Variants in FBXL20 observed in about 807,000 individuals in gnomAD.
FBXL20 encodes the protein F-box and leucine rich repeat protein 20, also known as F-box/LRR-repeat protein 20.
FBXL20 carries 11 observed loss-of-function variants against 64.0 expected under a neutral mutation model. The observed-to-expected ratio is 0.17, with a 90% CI of 0.11 to 0.28. FBXL20 has a LOEUF of 0.28. Among genes scored for constraint, FBXL20 ranks in the 10% least tolerant of loss-of-function variants. The pLI, the probability that FBXL20 is intolerant of heterozygous loss-of-function variation, is 1.00. For missense variants in FBXL20, 303 were observed against 526.2 expected (o/e 0.58, Z 4.15); for synonymous variants, 184 against 189.0 (o/e 0.97, Z 0.22).
In FBXL20 at chr17:39,265,600, G is replaced by A; in HGVS notation, c.934-147C>T. ...AAGCTCACTGCAGCCTAAAACTTCTGGGCTCAAGCAATCTTCCCACCTCAG... is the reference window on the plus strand; with the variant it reads ...AAGCTCACTGCAGCCTAAAACTTCTAGGCTCAAGCAATCTTCCCACCTCAG... On this transcript the variant is annotated intron_variant, in intron 12 of 14. Transcript: ENST00000264658. 4 of 487,004 alleles carry A rather than the reference G, an allele frequency of 8.2e-6. No homozygotes were observed. The South Asian group carries it at 1.5e-4, about 19-fold the overall frequency. The allele number at this position is 487,004 out of a possible 1,614,324, so 30.2% of individuals were successfully genotyped here. A position where few individuals can be genotyped will look rare whatever the true frequency, so the allele number is the denominator to read the frequency against.
At chr17:39,358,189 G>A (rs1023422462) in intron 1 of FBXL20, among the ~76,000 whole-genome samples, 1 of 152,162 alleles carries the variant, frequency 6.6e-6, no homozygotes, top group Non-Finnish European at 1.5e-5. Context: ...CTCAAGGAGA[G>A]GCAGTATTCT....
At chr17:39,368,820 T>G (rs2047887023) in intron 1 of FBXL20, among the ~76,000 whole-genome samples, 1 of 152,042 alleles carries the variant, frequency 6.6e-6, no homozygotes, top group Admixed American at 6.6e-5. Context: ...CACACCGGGC[T>G]AATTTTTTGT....
chr17:39,368,320 AGCTCAAG>A (rs2047881761), intron 1 of FBXL20, among the ~76,000 whole-genome samples: 1 of 152,096 alleles, frequency 6.6e-6, no homozygotes, highest in African/African-American at 2.4e-5. Context: ...TGAGCCCAGG[AGCTCAAG>A]GCTGCAGTGA....
chr17:39,353,951 T>C (rs1030106336), intron 1 of FBXL20, among the ~76,000 whole-genome samples: 2 of 152,094 alleles, frequency 1.3e-5, no homozygotes, highest in South Asian at 4.1e-4. Context: ...TGTTTCGTTT[T>C]TCAAGATGAA....
intron 6 of FBXL20, among the ~76,000 whole-genome samples, chr17:39,287,351 C>G (rs1323105893): frequency 6.6e-6 from 1 of 152,120 alleles, no homozygotes; most frequent in African/African-American, 2.4e-5. Context: ...AAGAGTCACA[C>G]ATTCTCTTTG....
At chr17:39,273,597 G>A (rs998726155) in intron 10 of FBXL20, among the ~76,000 whole-genome samples, 1 of 151,958 alleles carries the variant, frequency 6.6e-6, no homozygotes, top group African/African-American at 2.4e-5. Flanking sequence ...GGAGGCCGAG[G>A]TGGGCAGATC....
chr17:39,385,290 C>G (rs2048067716), intron 1 of FBXL20, among the ~76,000 whole-genome samples: 3 of 151,570 alleles, frequency 2.0e-5, no homozygotes, highest in Non-Finnish European at 4.4e-5. Context: ...GCACTCCAGA[C>G]TGGGCAACAC....
intron 1 of FBXL20, among the ~76,000 whole-genome samples, chr17:39,355,728 G>A (rs1760546687): frequency 6.6e-6 from 1 of 151,576 alleles, no homozygotes; most frequent in African/African-American, 2.4e-5. Context: ...GGTGGCAGGT[G>A]CCTGTAATTC....
upstream of FBXL20, chr17:39,401,659 T>C (rs199533866): frequency 1.7e-6 from 2 of 1,195,478 alleles, no homozygotes; most frequent in Non-Finnish European, 2.1e-6. Context: ...ACAAAAACAC[T>C]CCCCACCTGC....
intron 1 of FBXL20, among the ~76,000 whole-genome samples, chr17:39,344,836 T>C (rs1393564706): frequency 1.3e-5 from 2 of 152,146 alleles, no homozygotes; most frequent in East Asian, 1.9e-4. Flanking sequence ...TTCATGTTTA[T>C]ATATTGTGCA....
chr17:39,390,102 G>A (rs1034248962), intron 1 of FBXL20, among the ~76,000 whole-genome samples: 1 of 152,054 alleles, frequency 6.6e-6, no homozygotes, highest in Non-Finnish European at 1.5e-5. Flanking sequence ...TGTTGAACTA[G>A]ATTAAAATTC....
intron 6 of FBXL20, among the ~76,000 whole-genome samples, chr17:39,287,693 C>T (rs1249055220): frequency 1.3e-5 from 2 of 152,128 alleles, no homozygotes; most frequent in Non-Finnish European, 2.9e-5. Context: ...GCATGATCCA[C>T]CACACCCGGC....
intron 1 of FBXL20, among the ~76,000 whole-genome samples, chr17:39,381,770 G>C (rs1020942615): frequency 2.0e-5 from 3 of 149,858 alleles, no homozygotes; most frequent in African/African-American, 7.4e-5. Flanking sequence ...TCCAGCCTGG[G>C]TGACAGAGCA....
intron 14 of FBXL20, among the ~76,000 whole-genome samples, chr17:39,262,461 A>C (rs2046755374): frequency 6.6e-6 from 1 of 151,820 alleles, no homozygotes; most frequent in African/African-American, 2.4e-5. Context: ...TTGTATTTTT[A>C]GTTGAGATGG....
At chr17:39,276,406 C>T (rs2046895092) in intron 9 of FBXL20, among the ~76,000 whole-genome samples, 1 of 151,646 alleles carries the variant, frequency 6.6e-6, no homozygotes, top group Non-Finnish European at 1.5e-5. Context: ...CATGGTGGCT[C>T]AAGCCTGTAA....
At chr17:39,265,627 C>T (rs2046783917) in intron 12 of FBXL20, among the ~76,000 whole-genome samples, 174 bp from the exon 13 acceptor site, 1 of 151,940 alleles carries the variant, frequency 6.6e-6, no homozygotes, top group African/African-American at 2.4e-5. Context: ...CCACCTCAGC[C>T]CCCTGAGTAG....
Position 39,274,436 on chromosome 17 carries a change from C to G in FBXL20, c.827+534G>C, listed in dbSNP as rs536507790. On this transcript the variant is annotated intron_variant, in intron 10 of 14. Coordinates refer to ENST00000264658, the MANE Select transcript of FBXL20 (RefSeq NM_032875.3). ...CACTTTGGGAAGCTGAGGTTTGAGG[C>G]CAGCCTGAGCAACACAGCCTGACCC... Among the ~76,000 whole-genome samples, 961 of 152,214 alleles carry G rather than the reference C, an allele frequency of 6.3e-3. 17 individuals are homozygous for G. Among genetic ancestry groups the G allele is most frequent in the African/African-American group, 0.022 (919 of 41,524 alleles).
chr17:39,332,908 C>G (rs916624098), intron 2 of FBXL20, among the ~76,000 whole-genome samples: 4 of 152,150 alleles, frequency 2.6e-5, no homozygotes, highest in African/African-American at 9.7e-5. Context: ...GATCCTCCTG[C>G]ACATCACCAT....
At position 39,256,310 on chromosome 17, in the gene FBXL20, G is replaced by A. The variant is rs1597753578; in HGVS notation, c.*5150C>T. 8.6e-6 allele frequency: 1 copy of A among 116,866 alleles called. No homozygotes were observed. The highest frequency in any genetic ancestry group is 3.3e-5 in the African/African-American group (1 of 30,164). The allele number at this position is 116,866 out of a possible 1,614,324, so 7.2% of individuals were successfully genotyped here. On this transcript the variant is annotated 3_prime_UTR_variant, in exon 15 of 15. Coordinates refer to ENST00000264658, the MANE Select transcript of FBXL20 (RefSeq NM_032875.3). ...CACTCCAACCTGGGTGACAGAGCGA[G>A]ACTCCATGTCAAAAAAAAAAAAAAA...
Sources: allele counts gnomAD v4.1 joint callset (sites outside exome capture counted in the v4.1 genomes callset), GRCh38; gene constraint gnomAD v4.1.1; transcripts MANE v1.5; gene names NCBI Gene and HGNC (gene_info 2026-07-23, HGNC 2026-07-21).